HPSE2: variants seen among roughly 807,000 people sequenced by gnomAD.
HPSE2 encodes heparanase 2 (inactive), also known as inactive heparanase-2.
A neutral mutation model predicts 60.5 loss-of-function variants in HPSE2; 38 were observed. The observed-to-expected ratio is 0.63, with a 90% CI of 0.48 to 0.82. The LOEUF is 0.82. Ranked by LOEUF, HPSE2 falls within the 40% of genes least tolerant of loss-of-function variation. The pLI, the probability that HPSE2 is intolerant of heterozygous loss-of-function variation, is 0.00. For missense variants in HPSE2, 713 were observed against 740.4 expected (o/e 0.96, Z 0.43); for synonymous variants, 295 against 293.2 (o/e 1.01, Z -0.06).
chr10:98,772,345 G>T (rs10883198), intron 3 of HPSE2, among the ~76,000 whole-genome samples: 107,565 of 151,906 alleles, frequency 0.71, 39,121 homozygotes, highest in South Asian at 0.81. Flanking sequence ...AACTGAGGAT[G>T]GTTGCCCCAA....
intron 7 of HPSE2, among the ~76,000 whole-genome samples, chr10:98,621,110 A>G (rs574395255): frequency 6.6e-6 from 1 of 152,278 alleles, no homozygotes; most frequent in Non-Finnish European, 1.5e-5. Flanking sequence ...ACTCCCTAAA[A>G]GCCATGAATG....
intron 3 of HPSE2, among the ~76,000 whole-genome samples, chr10:98,824,919 G>A (rs1951507900): frequency 6.6e-6 from 1 of 152,146 alleles, no homozygotes; most frequent in South Asian, 2.1e-4. Context: ...TTTCATAACG[G>A]TAAACATGTC....
intron 3 of HPSE2, among the ~76,000 whole-genome samples, chr10:98,759,875 C>T (rs76356665): frequency 0.04 from 6,025 of 152,020 alleles, 190 homozygotes; most frequent in East Asian, 0.12. Context: ...CTGTAGATGG[C>T]TTTTTGTAGT....
chr10:98,718,122 C>T (rs901302439), intron 5 of HPSE2, among the ~76,000 whole-genome samples: 2 of 152,046 alleles, frequency 1.3e-5, no homozygotes, highest in Non-Finnish European at 2.9e-5. Flanking sequence ...ATTGTCATTA[C>T]ATAGATGATG....
intron 11 of HPSE2, among the ~76,000 whole-genome samples, chr10:98,482,320 C>T (rs553802471): frequency 1.2e-4 from 19 of 152,230 alleles, no homozygotes; most frequent in East Asian, 3.9e-4. Context: ...TGGTGAGCAG[C>T]GGCCAAGGAT....
At position 98,930,952 on chromosome 10, in the gene HPSE2, T is replaced by C. The variant is rs146382989; in HGVS notation, c.611-186896A>G. Among the ~76,000 whole-genome samples, 218 of 144,388 alleles carry C rather than the reference T, an allele frequency of 1.5e-3. 21 individuals carry two copies. The East Asian group carries it at 0.033, about 22-fold the overall frequency. The allele number at this position is 144,388 out of a possible 152,430, so 94.7% of individuals were successfully genotyped here. On this transcript the variant is annotated intron_variant, in intron 3 of 11. Transcript: ENST00000370552. ...ACTCTGATGATAGTTTCATTTGCTG[T>C]GAAGAAGCTCCTTAGTTTAATTAGA...
intron 3 of HPSE2, among the ~76,000 whole-genome samples, chr10:98,768,152 G>A (rs1950165821): frequency 6.6e-6 from 1 of 152,036 alleles, no homozygotes; most frequent in Non-Finnish European, 1.5e-5. Context: ...AATATTGGAA[G>A]CAAATAGTCC....
chr10:99,260,678 G>C, the HPSE2 span, among the ~76,000 whole-genome samples: 1 of 152,142 alleles, frequency 6.6e-6, no homozygotes, highest in Non-Finnish European at 1.5e-5. Flanking sequence ...AATCACTGTG[G>C]GGATGCCTGC....
At chr10:98,774,720 C>G (rs1950305031) in intron 3 of HPSE2, among the ~76,000 whole-genome samples, 1 of 152,154 alleles carries the variant, frequency 6.6e-6, no homozygotes, top group African/African-American at 2.4e-5. Context: ...AAATGTCAAC[C>G]TTAAGTAACC....
In HPSE2 at chr10:98,935,673, G is replaced by C. The variant is rs756377919; in HGVS notation, c.611-191617C>G. ...CTTCCTCTGGAAGCTTCATCCCAGA[G>C]GGGCACTGACCTGATGCCAGCTGGA... is the stretch of plus-strand genomic sequence containing the variant. On this transcript the variant is annotated intron_variant, in intron 3 of 11. Transcript: ENST00000370552. Among the ~76,000 whole-genome samples the C allele has an allele frequency of 2.8e-5, 4 of 144,096 alleles. 2 individuals are homozygous for C. Among genetic ancestry groups the C allele is most frequent in the African/African-American group, 5.6e-5 (2 of 35,560 alleles). The allele number at this position is 144,096 out of a possible 152,430, so 94.5% of individuals were successfully genotyped here.
At chr10:98,883,772 C>G (rs1953091021) in intron 3 of HPSE2, among the ~76,000 whole-genome samples, 1 of 152,074 alleles carries the variant, frequency 6.6e-6, no homozygotes, top group South Asian at 2.1e-4. Context: ...CCACTGCACT[C>G]TAGCCTGGGA....
At chr10:98,989,659 GAA>G (rs34373829) in intron 3 of HPSE2, among the ~76,000 whole-genome samples, 2 of 150,202 alleles carry the variant, frequency 1.3e-5, no homozygotes, top group Non-Finnish European at 3.0e-5. Context: ...AAAAAAAAAA[GAA>G]AAAAAACTCA....
Position 98,583,974 on chromosome 10 carries a change from AC to A in HPSE2, c.1320+30929del, listed in dbSNP as rs564362024. ...GTAGTGCTGCTATAAAAAATCACCTACAGGCTTTTGTGTGGACATGTGTTTT... is the reference window on the plus strand; with the variant it reads ...GTAGTGCTGCTATAAAAAATCACCTAAGGCTTTTGTGTGGACATGTGTTTT... On this transcript the variant is annotated intron_variant, in intron 9 of 11. Transcript: ENST00000370552. Among the ~76,000 whole-genome samples, 304 of 152,280 alleles carry A rather than the reference AC, an allele frequency of 2.0e-3. 1 individual carries two copies. Among genetic ancestry groups the A allele is most frequent in the African/African-American group, 7.0e-3 (290 of 41,558 alleles).
the HPSE2 span, among the ~76,000 whole-genome samples, chr10:99,300,249 G>A: frequency 6.6e-6 from 1 of 152,102 alleles, no homozygotes; most frequent in Non-Finnish European, 1.5e-5. Context: ...TTAAGAGGGA[G>A]TTTAAGACAC....
intron 2 of HPSE2, among the ~76,000 whole-genome samples, chr10:99,221,724 T>C (rs113986563): frequency 3.9e-5 from 6 of 152,166 alleles, no homozygotes; most frequent in African/African-American, 1.2e-4. Context: ...ATGAAAAGAA[T>C]GTCAGAGAGG....
intron 5 of HPSE2, among the ~76,000 whole-genome samples, chr10:98,708,897 GA>G (rs1948611448): frequency 6.6e-6 from 1 of 152,114 alleles, no homozygotes; most frequent in Non-Finnish European, 1.5e-5. Context: ...AACTCATGAA[GA>G]AAAATAATTA....
chr10:98,911,190 C>T (rs939378014), intron 3 of HPSE2, among the ~76,000 whole-genome samples: 1 of 152,180 alleles, frequency 6.6e-6, no homozygotes, highest in Admixed American at 6.5e-5. Context: ...TTGAGCAAGA[C>T]ATGATGTGAT....
At position 99,124,492 on chromosome 10, in the gene HPSE2, C is replaced by A. The variant is rs544786189; in HGVS notation, c.610+19746G>T. ...GGCTGTTAGTGCCAAGAGGTGCCTG[C>A]AGGCCTGTGCTGAGCCACCCTCAGC... On this transcript the variant is annotated intron_variant, in intron 3 of 11. Transcript: ENST00000370552. 3.9e-5 allele frequency among the ~76,000 whole-genome samples: 6 copies of A among 152,324 alleles called. No homozygotes were observed. The South Asian group carries it at 1.2e-3, about 32-fold the overall frequency.
At chr10:99,047,666 A>C in intron 3 of HPSE2, 1 of 771,822 alleles carries the variant, frequency 1.3e-6, no homozygotes, top group Non-Finnish European at 2.3e-6. Context: ...GAAGAAGAAG[A>C]CGGTTCCTGC....
Sources: allele counts gnomAD v4.1 joint callset (sites outside exome capture counted in the v4.1 genomes callset), GRCh38; gene constraint gnomAD v4.1.1; transcripts MANE v1.5; gene names NCBI Gene and HGNC (gene_info 2026-07-23, HGNC 2026-07-21).